The following AKAP19 variants were observed in gnomAD, a reference collection of about 807,000 sequenced individuals.
The protein encoded by AKAP19 is A-kinase anchoring protein 19.
the AKAP19 span, among the ~76,000 whole-genome samples, chr2:190,185,879 G>C: frequency 1.3e-5 from 2 of 152,208 alleles, no homozygotes; most frequent in South Asian, 4.1e-4. Context: ...AATCTGGAGA[G>C]ATAAGAAATG....
At chr2:190,133,191 T>A in the AKAP19 span, among the ~76,000 whole-genome samples, 1 of 122,474 alleles carries the variant, frequency 8.2e-6, no homozygotes, top group African/African-American at 3.3e-5. Context: ...TGGGCCGAGA[T>A]CACGCCACTG....
chr2:189,990,637 G>C, the AKAP19 span, among the ~76,000 whole-genome samples: 2 of 152,140 alleles, frequency 1.3e-5, no homozygotes, highest in Non-Finnish European at 2.9e-5. Context: ...AGAATAAGTG[G>C]AGAAGGGTTA....
chr2:189,938,850 A>C, the AKAP19 span, among the ~76,000 whole-genome samples: 1 of 152,180 alleles, frequency 6.6e-6, no homozygotes, highest in South Asian at 2.1e-4. Flanking sequence ...TCTACCCACA[A>C]AAATTAAAAA....
chr2:189,888,905 C>T, the AKAP19 span, among the ~76,000 whole-genome samples: 1 of 152,278 alleles, frequency 6.6e-6, no homozygotes, highest in South Asian at 2.1e-4. Flanking sequence ...AATTTGACTT[C>T]CTGTCTTCCC....
the AKAP19 span, among the ~76,000 whole-genome samples, chr2:190,032,525 T>C: frequency 6.6e-6 from 1 of 152,184 alleles, no homozygotes; most frequent in South Asian, 2.1e-4. Context: ...GCAATCTTGA[T>C]TGAGGTGCCA....
chr2:189,895,377 C>G, the AKAP19 span, among the ~76,000 whole-genome samples: 2 of 152,098 alleles, frequency 1.3e-5, no homozygotes, highest in Non-Finnish European at 2.9e-5. Flanking sequence ...TTGTGTTGAC[C>G]ATTCATTCAG....
the AKAP19 span, among the ~76,000 whole-genome samples, chr2:189,973,908 T>G: frequency 6.6e-6 from 1 of 152,198 alleles, no homozygotes; most frequent in Non-Finnish European, 1.5e-5. Flanking sequence ...CTATCAATTT[T>G]GTTGATCTTT....
the AKAP19 span, among the ~76,000 whole-genome samples, chr2:189,919,103 C>T: frequency 6.6e-6 from 1 of 152,248 alleles, no homozygotes; most frequent in African/African-American, 2.4e-5. Context: ...GGGTTTGGTA[C>T]CCTCTGCAGT....
At chr2:190,138,387 A>G in the AKAP19 span, among the ~76,000 whole-genome samples, 3 of 152,204 alleles carry the variant, frequency 2.0e-5, no homozygotes, top group African/African-American at 4.8e-5. Context: ...GAAGGAGTAT[A>G]CAGTAAGTAC....
At chr2:190,034,755 G>A in the AKAP19 span, among the ~76,000 whole-genome samples, 1 of 149,226 alleles carries the variant, frequency 6.7e-6, no homozygotes, top group Non-Finnish European at 1.5e-5. Context: ...TCGGGAGGCT[G>A]AGGTGAGAGA....
At chr2:189,977,991 G>T in the AKAP19 span, among the ~76,000 whole-genome samples, 1 of 152,168 alleles carries the variant, frequency 6.6e-6, no homozygotes, top group Admixed American at 6.5e-5. Context: ...AATAGGTTTT[G>T]TGTTAGAAGA....
chr2:189,988,958 A>G, the AKAP19 span, among the ~76,000 whole-genome samples: 2 of 152,194 alleles, frequency 1.3e-5, no homozygotes, highest in Non-Finnish European at 2.9e-5. Flanking sequence ...AGTTTTGACC[A>G]TGGAGATGAG....
chr2:189,899,015 A>G, the AKAP19 span, among the ~76,000 whole-genome samples: 4 of 152,104 alleles, frequency 2.6e-5, no homozygotes, highest in Non-Finnish European at 1.5e-5. Context: ...AGTTGCTTGA[A>G]CTTATCTAAA....
the AKAP19 span, among the ~76,000 whole-genome samples, chr2:189,983,615 C>T: frequency 6.6e-6 from 1 of 152,220 alleles, no homozygotes; most frequent in Non-Finnish European, 1.5e-5. Context: ...ATTGGTGCTG[C>T]ACTTGCATTT....
At chr2:190,162,117 T>C in the AKAP19 span, among the ~76,000 whole-genome samples, 1 of 152,162 alleles carries the variant, frequency 6.6e-6, no homozygotes, top group Non-Finnish European at 1.5e-5. Context: ...ACGTGTTTTC[T>C]TCTCATAATT....
At chr2:190,119,455 G>C in the AKAP19 span, among the ~76,000 whole-genome samples, 1 of 152,184 alleles carries the variant, frequency 6.6e-6, no homozygotes, top group Non-Finnish European at 1.5e-5. Context: ...CTTTTAACAC[G>C]CAAATGCAGG....
the AKAP19 span, among the ~76,000 whole-genome samples, chr2:189,897,074 T>A: frequency 6.6e-6 from 1 of 152,102 alleles, no homozygotes; most frequent in East Asian, 1.9e-4. Flanking sequence ...GTACTTCCTC[T>A]ATGTTGAATG....
At chr2:190,030,899 C>T in the AKAP19 span, among the ~76,000 whole-genome samples, 3 of 152,184 alleles carry the variant, frequency 2.0e-5, no homozygotes, top group African/African-American at 4.8e-5. Flanking sequence ...AATAAAAAGA[C>T]GTAGATGCAC....
chr2:189,890,049 C>T, the AKAP19 span, among the ~76,000 whole-genome samples: 1 of 152,148 alleles, frequency 6.6e-6, no homozygotes, highest in Non-Finnish European at 1.5e-5. Context: ...GCTGCTTTCT[C>T]CTGTGGGCAT....
Sources: allele counts gnomAD v4.1 joint callset (sites outside exome capture counted in the v4.1 genomes callset), GRCh38; gene constraint gnomAD v4.1.1; transcripts MANE v1.5; gene names NCBI Gene and HGNC (gene_info 2026-07-23, HGNC 2026-07-21).